Variants in EYS observed in about 807,000 individuals in gnomAD.
The protein encoded by EYS is EGF-like photoreceptor maintenance factor.
EYS carries 250 observed loss-of-function variants against 282.1 expected under a neutral mutation model. The observed-to-expected ratio is 0.89, with a 90% confidence interval of 0.80 to 0.98. The LOEUF is 0.98. EYS is among the 50% of genes least tolerant of loss of function. The pLI is 0.00. For synonymous variants in EYS, 1,355 were observed against 1,282.9 expected (o/e 1.06, Z -1.20); for missense variants, 4,016 against 3,709.0 (o/e 1.08, Z -2.15).
chr6:65,499,023 A>G (rs1379453142), intron 2 of EYS, among the ~76,000 whole-genome samples: 1 of 152,034 alleles, frequency 6.6e-6, no homozygotes, highest in Non-Finnish European at 1.5e-5. Flanking sequence ...ACAGCATTTC[A>G]CATAATTACA....
chr6:64,528,899 C>T (rs994688153), intron 26 of EYS, among the ~76,000 whole-genome samples: 1 of 151,948 alleles, frequency 6.6e-6, no homozygotes, highest in Non-Finnish European at 1.5e-5. Context: ...ATTGTTCTAT[C>T]ATCAAAAAGA....
At position 64,855,399 on chromosome 6, in the gene EYS, T is replaced by G. The variant is rs78606724; in HGVS notation, c.2992+31298A>C. The stretch of plus-strand genomic sequence containing the variant: ...TCTGTTCAGTTTTCCTTTTCTCTAG[T>G]TTTTTTCTTATTTTTCGCTTTTATT... On this transcript the variant is annotated intron_variant, in intron 19 of 42. Transcript: ENST00000503581. Among the ~76,000 whole-genome samples the G allele has an allele frequency of 4.1e-4, 62 of 152,260 alleles. 1 individual carries two copies. In the East Asian group the frequency reaches 0.012, roughly 28 times the overall value.
chr6:65,262,500 G>A (rs1767647259), intron 12 of EYS, among the ~76,000 whole-genome samples: 1 of 151,982 alleles, frequency 6.6e-6, no homozygotes, highest in South Asian at 2.1e-4. Flanking sequence ...TGCATGAGAT[G>A]TAATTATCAC....
Position 63,864,345 on chromosome 6 carries a change from G to C in EYS, c.7069C>G (p.Leu2357Val). ...TACAGCCTTGGACACTCACAAAACA[G>C]ATTTTCATTATCACTGAGAAGGGAA... is the stretch of plus-strand genomic sequence containing the variant. ...NGTCISDNENLFCECPRLYSG... is the reference protein window; with the variant it reads ...NGTCISDNENVFCECPRLYSG... The change falls in exon 36 of 43, where the codon CTG becomes GTG. Residue 2357 changes from leucine (L) to valine (V), a missense_variant. By Grantham distance (32) the Leu-to-Val change is conservative (BLOSUM62 1). Transcript: ENST00000503581. 6.5e-7 allele frequency: 1 copy of C among 1,548,560 alleles called. No homozygotes were observed. Among genetic ancestry groups the C allele is most frequent in the African/African-American group, 1.4e-5 (1 of 73,020 alleles).
At chr6:64,539,185 T>C (rs1187222082) in intron 26 of EYS, among the ~76,000 whole-genome samples, 1 of 152,174 alleles carries the variant, frequency 6.6e-6, no homozygotes, top group Non-Finnish European at 1.5e-5. Context: ...TGCATGACAA[T>C]GTGAATATAC....
At chr6:64,097,757 A>G (rs189150098) in intron 31 of EYS, among the ~76,000 whole-genome samples, 49 of 152,280 alleles carry the variant, frequency 3.2e-4, no homozygotes, top group Admixed American at 5.2e-4. Flanking sequence ...TGACATTGTC[A>G]TGATCATTGT....
rs1230259063 is a variant in EYS at position 64,066,332 on chromosome 6, A to G, written c.6725+6T>C. 2.6e-6 allele frequency: 4 copies of G among 1,549,352 alleles called. No individual in the cohort carries two copies. The South Asian group carries it at 4.8e-5, about 19-fold the overall frequency. ...CGAAAGAACTACCGTGGAGTACAGT[A>G]CTTACCGTATTGTGATAGGGGTGAA... On this transcript the variant is annotated splice_donor_region_variant and intron_variant, in intron 33 of 42. Transcript: ENST00000503581.
chr6:64,132,931 T>C (rs927234499), intron 31 of EYS, among the ~76,000 whole-genome samples: 2 of 151,994 alleles, frequency 1.3e-5, no homozygotes, highest in Non-Finnish European at 1.5e-5. Context: ...TTCACTATAG[T>C]GTACCATTCT....
At chr6:64,701,475 C>A (rs187651823) in intron 22 of EYS, among the ~76,000 whole-genome samples, 86 of 152,024 alleles carry the variant, frequency 5.7e-4, no homozygotes, top group African/African-American at 1.9e-3. Context: ...AGGAAAAAAA[C>A]CATTATAAAA....
At chr6:64,897,572 C>A (rs1052938339) in intron 18 of EYS, among the ~76,000 whole-genome samples, 3 of 152,100 alleles carry the variant, frequency 2.0e-5, no homozygotes, top group Non-Finnish European at 4.4e-5. Flanking sequence ...AATTTCTCAC[C>A]AGCAAGGGAA....
intron 2 of EYS, among the ~76,000 whole-genome samples, chr6:65,574,830 C>T (rs1433369289): frequency 2.0e-5 from 3 of 152,028 alleles, no homozygotes; most frequent in South Asian, 2.1e-4. Context: ...CTCTCAAGTG[C>T]ACATGGAACA....
At chr6:65,641,540 A>C (rs1367838328) in intron 1 of EYS, among the ~76,000 whole-genome samples, 1 of 152,136 alleles carries the variant, frequency 6.6e-6, no homozygotes, top group African/African-American at 2.4e-5. Context: ...TTACTTACCC[A>C]GTGTCTTGTG....
intron 22 of EYS, among the ~76,000 whole-genome samples, chr6:64,690,755 C>T (rs1770351510): frequency 6.6e-6 from 1 of 152,046 alleles, no homozygotes; most frequent in Non-Finnish European, 1.5e-5. Flanking sequence ...CGCATGTTCA[C>T]ACTCATAGGC....
intron 26 of EYS, among the ~76,000 whole-genome samples, chr6:64,491,303 T>C (rs916429279): frequency 2.7e-5 from 4 of 150,934 alleles, no homozygotes; most frequent in African/African-American, 7.3e-5. Context: ...TATTTAACTA[T>C]GGAATATTTC....
intron 31 of EYS, among the ~76,000 whole-genome samples, chr6:64,181,836 G>C (rs1764795638): frequency 6.6e-6 from 1 of 152,052 alleles, no homozygotes; most frequent in Non-Finnish European, 1.5e-5. Flanking sequence ...TGCTAAATAG[G>C]TCACAGCTTT....
chr6:65,628,708 G>A (rs779900304), intron 2 of EYS, among the ~76,000 whole-genome samples: 1 of 151,684 alleles, frequency 6.6e-6, no homozygotes, highest in Non-Finnish European at 1.5e-5. Flanking sequence ...GAGCCAGCAA[G>A]ACCACGAACC....
chr6:64,665,389 T>C (rs549995220), intron 22 of EYS, among the ~76,000 whole-genome samples: 93 of 152,332 alleles, frequency 6.1e-4, no homozygotes, highest in African/African-American at 2.1e-3. Flanking sequence ...TATTATAGGC[T>C]AAATCAAATT....
At chr6:63,833,951 C>A (rs1033208188) in intron 36 of EYS, among the ~76,000 whole-genome samples, 3 of 152,116 alleles carry the variant, frequency 2.0e-5, no homozygotes, top group Non-Finnish European at 2.9e-5. Context: ...CAAAAACAAG[C>A]AATGGGGAAA....
At chr6:65,222,352 T>C (rs1298952761) in intron 12 of EYS, among the ~76,000 whole-genome samples, 1 of 152,132 alleles carries the variant, frequency 6.6e-6, no homozygotes, top group East Asian at 1.9e-4. Flanking sequence ...TTTTCCGCTG[T>C]CCTTGTGATA....
Sources: gnomAD v4.1 joint callset for allele counts (sites outside exome capture counted in the v4.1 genomes callset) on GRCh38, gnomAD v4.1.1 for gene constraint, MANE v1.5 for transcripts, NCBI Gene and HGNC (gene_info 2026-07-23, HGNC 2026-07-21) for gene names.